Variants in HSD17B11 observed in about 807,000 individuals in gnomAD.
The protein encoded by HSD17B11 is estradiol 17-beta-dehydrogenase 11.
A neutral mutation model predicts 27.8 loss-of-function variants in HSD17B11; 22 were observed. That is an observed-to-expected ratio of 0.79 (90% CI 0.56 to 1.13). The LOEUF (loss-of-function observed/expected upper bound fraction) is 1.13. Ranked by LOEUF, HSD17B11 falls within the 50% of genes most tolerant of loss-of-function variation. HSD17B11 has a pLI of 0.00. For synonymous variants in HSD17B11, 117 were observed against 132.8 expected, an observed-to-expected ratio of 0.88 and a Z score of 0.82; for missense variants, 314 against 351.1, an observed-to-expected ratio of 0.89 and a Z score of 0.84.
At chr4:87,371,484 A>AT (rs1233106667) in intron 4 of HSD17B11, among the ~76,000 whole-genome samples, 2 of 152,058 alleles carry the variant, frequency 1.3e-5, no homozygotes, top group Non-Finnish European at 2.9e-5. Context: ...GTAATGTTCT[A>AT]TTTTTTTGAC....
rs567681443 is a variant in HSD17B11, at chr4:87,370,362, C to T, written c.557+2347G>A. Among the ~76,000 whole-genome samples the T allele has an allele frequency of 3.3e-5, 5 of 152,254 alleles. No individual in the cohort carries two copies. The East Asian group carries it at 9.6e-4, about 29-fold the overall frequency. ...AGGATTTCAGATTTTATGCTAAGTG[C>T]AATACATTGTATGATTTAAATCTTA... On this transcript the variant is annotated intron_variant, in intron 4 of 6. Transcript: ENST00000358290.
At chr4:87,377,733 A>G (rs1274150664) in intron 2 of HSD17B11, among the ~76,000 whole-genome samples, 3 of 152,154 alleles carry the variant, frequency 2.0e-5, no homozygotes, top group African/African-American at 4.8e-5. Context: ...ATTTTGTTAT[A>G]CACTGTGTTT....
At chr4:87,363,763 T>G (rs911885747) in intron 4 of HSD17B11, among the ~76,000 whole-genome samples, 3 of 152,224 alleles carry the variant, frequency 2.0e-5, no homozygotes, top group African/African-American at 4.8e-5. Context: ...TGTAGCTCAG[T>G]AGCTAAGGTT....
Position 87,383,710 on chromosome 4 carries a change from G to A in HSD17B11, c.211-1348C>T, listed in dbSNP as rs567741688. 2.7e-5 allele frequency among the ~76,000 whole-genome samples: 4 copies of A among 146,698 alleles called. No homozygotes were observed. In the East Asian group the frequency reaches 8.0e-4, roughly 29 times the overall value. ...ACCATTGGGGTTTTTTGTTGTTGTT[G>A]TTATCTTTGCTTGTTTGCTTTTGGC... On this transcript the variant is annotated intron_variant, in intron 1 of 6. Coordinates refer to ENST00000358290, the MANE Select transcript of HSD17B11 (RefSeq NM_016245.5).
chr4:87,372,581 C>A, intron 4 of HSD17B11, 128 bp downstream of exon 4: 1 of 607,904 alleles, frequency 1.6e-6, no homozygotes, highest in Non-Finnish European at 2.9e-6. Flanking sequence ...TTTTTGACAA[C>A]TCTCAATAAT....
intron 1 of HSD17B11, chr4:87,385,931 G>A (rs1201977437): frequency 6.9e-6 from 1 of 145,504 alleles, no homozygotes; most frequent in African/African-American, 2.6e-5. Context: ...AAAAAAAAAA[G>A]TATATTGTAT....
At position 87,357,274 on chromosome 4, in the gene HSD17B11, C is replaced by T. The variant is rs768524121; in HGVS notation, c.695+5G>A. The T allele has an allele frequency of 4.3e-6, 7 of 1,609,928 alleles. No homozygotes were observed. Among genetic ancestry groups the T allele is most frequent in the Non-Finnish European group, 5.9e-6 (7 of 1,178,800 alleles). ...CAATCCTTTTGTCTCAATTTCTCAA[C>T]TTACCTTGTACTTGGATTTTTGATG... On this transcript the variant is annotated splice_donor_5th_base_variant and intron_variant, in intron 5 of 6. Coordinates refer to ENST00000358290, the MANE Select transcript of HSD17B11 (RefSeq NM_016245.5).
intron 5 of HSD17B11, among the ~76,000 whole-genome samples, chr4:87,355,781 G>A (rs760498206): frequency 3.3e-5 from 5 of 152,108 alleles, no homozygotes; most frequent in Non-Finnish European, 7.4e-5. Context: ...GTGCGTGCCT[G>A]TAATCTCAGA....
intron 4 of HSD17B11, among the ~76,000 whole-genome samples, chr4:87,357,835 C>T (rs549578332): frequency 2.3e-4 from 35 of 151,686 alleles, no homozygotes; most frequent in African/African-American, 8.3e-4. Flanking sequence ...GCTTCACTTC[C>T]TCAAAGAGGC....
intron 4 of HSD17B11, among the ~76,000 whole-genome samples, chr4:87,361,555 C>G (rs2110119452): frequency 6.6e-6 from 1 of 152,168 alleles, no homozygotes; most frequent in South Asian, 2.1e-4. Flanking sequence ...ATCACGAGGT[C>G]AGGAGATCGA....
At chr4:87,369,432 C>CTTTTTTTTTTTTTTTT (rs764707419) in intron 4 of HSD17B11, among the ~76,000 whole-genome samples, 1 of 141,112 alleles carries the variant, frequency 7.1e-6, no homozygotes, top group Admixed American at 7.0e-5. Flanking sequence ...ATTCCAAATT[C>CTTTTTTTTTTTTTTTT]TTTTTTTTTT....
intron 4 of HSD17B11, among the ~76,000 whole-genome samples, chr4:87,370,747 TTATTA>T (rs1304510054): frequency 1.8e-4 from 1 of 5,524 alleles, no homozygotes; most frequent in Non-Finnish European, 2.6e-4. Flanking sequence ...ATTATTATTA[TTATTA>T]TTATTTTTTT....
intron 1 of HSD17B11, among the ~76,000 whole-genome samples, chr4:87,389,730 G>A (rs1720407376): frequency 6.6e-6 from 1 of 152,158 alleles, no homozygotes; most frequent in Admixed American, 6.5e-5. Flanking sequence ...GTCAACTAGT[G>A]TGTAATGGAT....
intron 5 of HSD17B11, among the ~76,000 whole-genome samples, chr4:87,341,713 A>T (rs1238508445): frequency 6.6e-6 from 1 of 151,962 alleles, no homozygotes; most frequent in Non-Finnish European, 1.5e-5. Flanking sequence ...AATACAAAAG[A>T]AAATTAGGCA....
chr4:87,346,148 T>C (rs1287991249), intron 5 of HSD17B11, among the ~76,000 whole-genome samples: 1 of 152,176 alleles, frequency 6.6e-6, no homozygotes, highest in African/African-American at 2.4e-5. Flanking sequence ...TATACCATTT[T>C]AATAAAATGA....
At position 87,374,715 on chromosome 4, in the gene HSD17B11, A is replaced by G; in HGVS notation, c.434T>C (p.Val145Ala). The G allele has an allele frequency of 6.2e-7, 1 of 1,605,536 alleles. No homozygotes were observed. Among genetic ancestry groups the G allele is most frequent in the Non-Finnish European group, 8.5e-7 (1 of 1,178,096 alleles). ...PQIEKTFEVNVLAHFWTTKAF... is the reference protein window; with the variant it reads ...PQIEKTFEVNALAHFWTTKAF... The stretch of plus-strand genomic sequence containing the variant: ...CATACTCACCCAGAAATGTGCAAGT[A>G]CATTAACTTCAAAAGTCTTTTCAAT... The change falls in exon 3 of 7, where the codon GTA becomes GCA. Residue 145 changes from valine to alanine, a missense_variant. By Grantham distance (64) the Val-to-Ala change is moderately conservative. Transcript: ENST00000358290.
At position 87,347,099 on chromosome 4, in the gene HSD17B11, C is replaced by T. The variant is rs1156784081; in HGVS notation, c.696-6493G>A. Among the ~76,000 whole-genome samples the T allele has an allele frequency of 1.1e-3, 61 of 53,522 alleles. 1 individual carries two copies. Among genetic ancestry groups the T allele is most frequent in the Non-Finnish European group, 1.8e-3 (49 of 27,514 alleles). 35.1% of individuals were successfully genotyped at this position (53,522 alleles called of 152,430 possible). A position where few individuals can be genotyped will look rare whatever the true frequency, so the allele number is the denominator to read the frequency against. On this transcript the variant is annotated intron_variant, in intron 5 of 6. Coordinates refer to ENST00000358290, the MANE Select transcript of HSD17B11 (RefSeq NM_016245.5). ...TGATTTTAGGGTTGTTTTTAGTATT[C>T]TGGATTTTTTTTTTTTCTTTTTTTT...
At chr4:87,362,690 T>C (rs1011195327) in intron 4 of HSD17B11, among the ~76,000 whole-genome samples, 1 of 152,164 alleles carries the variant, frequency 6.6e-6, no homozygotes, top group African/African-American at 2.4e-5. Flanking sequence ...CTGATGGCTA[T>C]GGGTGACAGG....
intron 4 of HSD17B11, among the ~76,000 whole-genome samples, chr4:87,361,746 A>G (rs780285994): frequency 4.6e-5 from 7 of 152,172 alleles, no homozygotes; most frequent in Non-Finnish European, 8.8e-5. Context: ...CATCATGGGC[A>G]ACAGAGCGAG....
Sources: gnomAD v4.1 joint callset for allele counts (sites outside exome capture counted in the v4.1 genomes callset) on GRCh38, gnomAD v4.1.1 for gene constraint, MANE v1.5 for transcripts, NCBI Gene and HGNC (gene_info 2026-07-23, HGNC 2026-07-21) for gene names.